RNF180: variants seen among roughly 807,000 people sequenced by gnomAD.
RNF180 encodes the protein E3 ubiquitin-protein ligase RNF180.
In RNF180, 38 loss-of-function variants were observed where a neutral mutation model predicts 59.2. That is an observed-to-expected ratio of 0.64 (90% CI 0.50 to 0.84). RNF180 has a LOEUF of 0.84. RNF180 is among the 40% of genes least tolerant of loss of function. The pLI is 0.00. For synonymous variants in RNF180, 262 were observed against 240.3 expected (o/e 1.09, Z -0.84); for missense variants, 705 against 700.9 (o/e 1.01, Z -0.07).
intron 6 of RNF180, among the ~76,000 whole-genome samples, chr5:64,328,242 A>G (rs1391851064): frequency 6.6e-6 from 1 of 152,154 alleles, no homozygotes; most frequent in African/African-American, 2.4e-5. Context: ...AATACCCTGA[A>G]TCATAGTTAT....
intron 1 of RNF180, among the ~76,000 whole-genome samples, chr5:64,185,486 A>G (rs914676912): frequency 6.6e-6 from 1 of 152,224 alleles, no homozygotes; most frequent in Non-Finnish European, 1.5e-5. Context: ...ATTCAACCAG[A>G]AGCATATGAG....
chr5:64,283,814 AT>A lies in RNF180; in HGVS notation c.1228-41369del, dbSNP rs1012071168. Among the ~76,000 whole-genome samples, 49 of 152,182 alleles carry A rather than the reference AT, an allele frequency of 3.2e-4. 1 individual carries two copies. The highest frequency in any genetic ancestry group is 3.0e-3 in the Admixed American group (46 of 15,292). ...CTTTATAAATTACACAGTCTTAGAT[AT>A]TTCTTTATTAGCAATATGAGAACAG... On this transcript the variant is annotated intron_variant, in intron 5 of 7. Transcript: ENST00000389100.
Position 64,213,787 on chromosome 5 carries a change from C to T in RNF180, c.461C>T (p.Thr154Ile), listed in dbSNP as rs1376057651. 2.5e-6 allele frequency: 4 copies of T among 1,614,058 alleles called. No individual in the cohort carries two copies. Among genetic ancestry groups the T allele is most frequent in the Non-Finnish European group, 1.7e-6 (2 of 1,180,034 alleles). Residue 154 changes from threonine (T) to isoleucine (I), a missense_variant, in exon 4 of 8, where the codon ACA becomes ATA. Thr to Ile is a moderately conservative substitution (Grantham distance 89). Transcript: ENST00000389100. ...GGTTGTGACAAGGAAGCTCTGCTGA[C>T]AGGTGGTGGCTCTGAAAACAGAAAT... ...QSGCDKEALL[T>I]GGGSENRNHR...
chr5:64,338,247 A>G (rs1745213950), intron 7 of RNF180, among the ~76,000 whole-genome samples: 1 of 152,204 alleles, frequency 6.6e-6, no homozygotes, highest in Non-Finnish European at 1.5e-5. Flanking sequence ...TTTAATGCAT[A>G]TGCTTTTTTC....
At chr5:64,327,643 A>T (rs1744709109) in intron 6 of RNF180, among the ~76,000 whole-genome samples, 1 of 152,198 alleles carries the variant, frequency 6.6e-6, no homozygotes, top group South Asian at 2.1e-4. Flanking sequence ...AAGCTATTTG[A>T]CATAACTTCA....
At chr5:64,320,462 T>C (rs1744288392) in intron 5 of RNF180, among the ~76,000 whole-genome samples, 2 of 152,232 alleles carry the variant, frequency 1.3e-5, no homozygotes, top group African/African-American at 2.4e-5. Context: ...TCAGCCTGTA[T>C]GCTTGCTTCC....
intron 1 of RNF180, among the ~76,000 whole-genome samples, chr5:64,197,725 T>A (rs565888421): frequency 6.6e-6 from 1 of 152,266 alleles, no homozygotes; most frequent in East Asian, 1.9e-4. Context: ...CATGTTCAGT[T>A]GTTTTAGTTG....
intron 5 of RNF180, among the ~76,000 whole-genome samples, chr5:64,276,319 G>GGT (rs375203511): frequency 0.12 from 17,204 of 137,896 alleles, 1,140 homozygotes; most frequent in East Asian, 0.31. Flanking sequence ...AAAATACATT[G>GGT]GTGTGTGTGT....
At chr5:64,256,761 G>A (rs1175485461) in intron 5 of RNF180, among the ~76,000 whole-genome samples, 1 of 152,112 alleles carries the variant, frequency 6.6e-6, no homozygotes, top group Non-Finnish European at 1.5e-5. Context: ...AGCTTGATGG[G>A]GATGACATTG....
rs1752497061 is a variant in RNF180, at chr5:64,214,311, C to A, written c.985C>A (p.Leu329Met). Residue 329 changes from leucine to methionine, a missense_variant, in exon 4 of 8, where the codon CTG becomes ATG. By Grantham distance (15) the Leu-to-Met change is conservative. Coordinates refer to ENST00000389100, the MANE Select transcript of RNF180 (RefSeq NM_001113561.2). ...TTCTGACCATACTAATACTAACAAT[C>A]TGACTTTCCTGATGGACCTGCCCTC... ...VYSDHTNTNN[L>M]TFLMDLPSAG... 6.2e-7 allele frequency: 1 copy of A among 1,614,058 alleles called. No homozygotes were observed. The highest frequency in any genetic ancestry group is 8.5e-7 in the Non-Finnish European group (1 of 1,179,996).
chr5:64,208,711 G>A (rs1055239241), intron 2 of RNF180, among the ~76,000 whole-genome samples: 32 of 151,930 alleles, frequency 2.1e-4, no homozygotes, highest in Admixed American at 1.7e-3. Flanking sequence ...TTCAGAAAAC[G>A]AAACAATGCT....
At chr5:64,244,156 A>AAATTC (rs1356063785) in intron 5 of RNF180, among the ~76,000 whole-genome samples, 4 of 152,330 alleles carry the variant, frequency 2.6e-5, no homozygotes, top group African/African-American at 7.2e-5. Flanking sequence ...AAAAGGCTGA[A>AAATTC]AATTCCAAAA....
rs530367578 is a variant in RNF180 at position 64,256,836 on chromosome 5, A to G, written c.1227+39440A>G. ...ATATTGATTCTTCCTATCCACAAGC[A>G]TGGAATGTTCTTCCATTTGTTTGTG... On this transcript the variant is annotated intron_variant, in intron 5 of 7. Coordinates refer to ENST00000389100, the MANE Select transcript of RNF180 (RefSeq NM_001113561.2). 7.9e-4 allele frequency among the ~76,000 whole-genome samples: 121 copies of G among 152,240 alleles called. 1 individual carries two copies. Among genetic ancestry groups the G allele is most frequent in the Non-Finnish European group, 1.5e-3 (105 of 68,048 alleles).
At chr5:64,182,747 A>G (rs2111956358) in intron 1 of RNF180, among the ~76,000 whole-genome samples, 1 of 152,322 alleles carries the variant, frequency 6.6e-6, no homozygotes, top group South Asian at 2.1e-4. Context: ...CTCCTGAAGA[A>G]AGGGAGAAAA....
At chr5:64,357,296 A>C (rs1288493409) in intron 7 of RNF180, among the ~76,000 whole-genome samples, 3 of 151,856 alleles carry the variant, frequency 2.0e-5, no homozygotes, top group Non-Finnish European at 4.4e-5. Flanking sequence ...CTATAAATAT[A>C]TCTCTCCACC....
At chr5:64,298,357 G>C (rs1157632446) in intron 5 of RNF180, among the ~76,000 whole-genome samples, 1 of 151,788 alleles carries the variant, frequency 6.6e-6, no homozygotes, top group African/African-American at 2.4e-5. Flanking sequence ...TGTCTTCCAG[G>C]GTTTTTATAG....
chr5:64,170,932 T>C (rs1749903307), intron 1 of RNF180, among the ~76,000 whole-genome samples: 1 of 152,242 alleles, frequency 6.6e-6, no homozygotes, highest in Non-Finnish European at 1.5e-5. Context: ...GTTCTGTGTC[T>C]TGAAAGTCTT....
chr5:64,306,162 G>A (rs1195585269), intron 5 of RNF180, among the ~76,000 whole-genome samples: 3 of 151,714 alleles, frequency 2.0e-5, no homozygotes, highest in African/African-American at 4.8e-5. Context: ...TAAATAAAAA[G>A]GTAGATTTCT....
intron 7 of RNF180, among the ~76,000 whole-genome samples, chr5:64,332,206 G>A (rs189271417): frequency 1.8e-4 from 28 of 152,280 alleles, no homozygotes; most frequent in Middle Eastern, 6.8e-3. Context: ...AGAAGATGCC[G>A]TCAGCTACAG....
Sources: gnomAD v4.1 joint callset for allele counts (sites outside exome capture counted in the v4.1 genomes callset) on GRCh38, gnomAD v4.1.1 for gene constraint, MANE v1.5 for transcripts, NCBI Gene and HGNC (gene_info 2026-07-23, HGNC 2026-07-21) for gene names.